The following ARHGEF38 variants were observed in gnomAD, a reference collection of about 807,000 sequenced individuals.
The protein encoded by ARHGEF38 is Rho guanine nucleotide exchange factor 38, also known as Rho guanine nucleotide exchange factor (GEF) 38.
A neutral mutation model predicts 79.9 loss-of-function variants in ARHGEF38; 79 were observed. The ratio of observed to expected loss-of-function variants is 0.99; its 90% CI spans 0.82 to 1.19. The LOEUF (loss-of-function observed/expected upper bound fraction) is 1.19. Ranked by LOEUF, ARHGEF38 falls within the 50% of genes most tolerant of loss-of-function variation. The pLI is 0.00. For missense variants in ARHGEF38, 962 were observed against 907.2 expected, an observed-to-expected ratio of 1.06 and a Z score of -0.78; for synonymous variants, 366 against 328.3, an observed-to-expected ratio of 1.11 and a Z score of -1.24.
At chr4:105,564,791 CTG>C (rs1396160665) in intron 1 of ARHGEF38, among the ~76,000 whole-genome samples, 3 of 152,182 alleles carry the variant, frequency 2.0e-5, no homozygotes, top group Non-Finnish European at 4.4e-5. Flanking sequence ...GAGTCAAACT[CTG>C]TGAAATATTT....
At chr4:105,610,356 G>A (rs1728239768) in intron 2 of ARHGEF38, among the ~76,000 whole-genome samples, 1 of 151,830 alleles carries the variant, frequency 6.6e-6, no homozygotes, top group Non-Finnish European at 1.5e-5. Flanking sequence ...AGAAACATTA[G>A]CCTTTAATTT....
At chr4:105,590,446 A>C (rs974337315) in intron 2 of ARHGEF38, among the ~76,000 whole-genome samples, 14 of 152,248 alleles carry the variant, frequency 9.2e-5, no homozygotes, top group Non-Finnish European at 2.9e-5. Context: ...ATCCCCTCAG[A>C]CATCTATTTG....
At chr4:105,560,212 G>A (rs929847699) in intron 1 of ARHGEF38, among the ~76,000 whole-genome samples, 10 of 152,156 alleles carry the variant, frequency 6.6e-5, no homozygotes, top group African/African-American at 2.2e-4. Flanking sequence ...CTGCCAGACT[G>A]TCACTGTTTA....
At chr4:105,556,521 G>A (rs1725259092) in intron 1 of ARHGEF38, among the ~76,000 whole-genome samples, 1 of 151,756 alleles carries the variant, frequency 6.6e-6, no homozygotes, top group Admixed American at 6.6e-5. Flanking sequence ...ATGAGGGAAG[G>A]TACAGGTAAG....
At position 105,555,222 on chromosome 4, in the gene ARHGEF38, G is replaced by C. The variant is rs552503782; in HGVS notation, c.196+2261G>C. ...AGCAGTTAATACATGCTTCTAGTCT[G>C]TGCTTGAGAAAAATCACCAAGAAGT... On this transcript the variant is annotated intron_variant, in intron 1 of 13. Coordinates refer to ENST00000420470, the MANE Select transcript of ARHGEF38 (RefSeq NM_001242729.2). Among the ~76,000 whole-genome samples, 3 of 152,230 alleles carry C rather than the reference G, an allele frequency of 2.0e-5. No homozygotes were observed. In the South Asian group the frequency reaches 6.2e-4, roughly 32 times the overall value.
At chr4:105,555,499 G>T (rs986980244) in intron 1 of ARHGEF38, among the ~76,000 whole-genome samples, 6 of 152,078 alleles carry the variant, frequency 3.9e-5, no homozygotes, top group Non-Finnish European at 7.4e-5. Flanking sequence ...ATCACCTTAA[G>T]AAGCTCTTTA....
At chr4:105,641,107 C>T (rs1432002637) in intron 5 of ARHGEF38, among the ~76,000 whole-genome samples, 2 of 152,044 alleles carry the variant, frequency 1.3e-5, no homozygotes, top group Admixed American at 1.3e-4. Flanking sequence ...GATGAAGTTC[C>T]TAGACCAGTC....
In ARHGEF38 at chr4:105,589,334, C is replaced by T. The variant is rs200268389; in HGVS notation, c.283C>T (p.Arg95Trp). 2.7e-5 allele frequency: 44 copies of T among 1,613,736 alleles called. No homozygotes were observed. Among genetic ancestry groups the T allele is most frequent in the South Asian group, 3.3e-5 (3 of 91,064 alleles). Residue 95 changes from arginine (R) to tryptophan (W), a missense_variant, in exon 2 of 14, where the codon CGG becomes TGG. Transcript: ENST00000420470. ...EHHMKRMMAK[R>W]EKIIKELIQT... ...TCATATGAAGAGGATGATGGCAAAG[C>T]GGGAAAAGATCATTAAGGAGCTGAT...
downstream of ARHGEF38, chr4:105,682,338 G>C (rs1055110921): frequency 6.3e-6 from 1 of 159,828 alleles, no homozygotes; most frequent in African/African-American, 2.4e-5. Flanking sequence ...CCCAGAATAC[G>C]GGGAGGAAAA....
At chr4:105,629,385 A>G (rs539443356) in intron 3 of ARHGEF38, among the ~76,000 whole-genome samples, 1 of 152,296 alleles carries the variant, frequency 6.6e-6, no homozygotes, top group South Asian at 2.1e-4. Context: ...TCCTGAATTA[A>G]TATGGATAAA....
chr4:105,644,898 C>A (rs994424845), intron 5 of ARHGEF38, among the ~76,000 whole-genome samples: 3 of 151,990 alleles, frequency 2.0e-5, no homozygotes, highest in South Asian at 4.2e-4. Flanking sequence ...TATTATAAAG[C>A]CAATTATAAA....
chr4:105,659,933 A>T (rs1730497427), intron 10 of ARHGEF38, among the ~76,000 whole-genome samples: 1 of 149,856 alleles, frequency 6.7e-6, no homozygotes, highest in Non-Finnish European at 1.5e-5. Context: ...TATTTTCCTG[A>T]TGAGGAAGAA....
At chr4:105,673,529 C>A (rs946424032) in intron 13 of ARHGEF38, among the ~76,000 whole-genome samples, 1 of 152,106 alleles carries the variant, frequency 6.6e-6, no homozygotes, top group Non-Finnish European at 1.5e-5. Flanking sequence ...ATGCTATATA[C>A]CTACTGTGTC....
At chr4:105,574,424 AC>A (rs1010436765) in intron 1 of ARHGEF38, among the ~76,000 whole-genome samples, 5 of 151,882 alleles carry the variant, frequency 3.3e-5, no homozygotes, top group Non-Finnish European at 7.4e-5. Context: ...GGTTGTAGGC[AC>A]CTGTAATCCC....
chr4:105,584,770 C>T (rs977332708), intron 1 of ARHGEF38, among the ~76,000 whole-genome samples: 1 of 152,122 alleles, frequency 6.6e-6, no homozygotes, highest in Non-Finnish European at 1.5e-5. Context: ...CTTAAATCCA[C>T]CCCAAAATGG....
At position 105,675,566 on chromosome 4, in the gene ARHGEF38, T is replaced by A. The variant is rs549885169; in HGVS notation, c.2149-2186T>A. Among the ~76,000 whole-genome samples the A allele has an allele frequency of 1.1e-4, 16 of 152,316 alleles. No individual in the cohort carries two copies. In the South Asian group the frequency reaches 3.3e-3, roughly 32 times the overall value. ...TTGAATATTCCTACTAATTTTCAGGTCAAATCAATAAATATTTGAATTCCT... is the reference window on the plus strand; with the variant it reads ...TTGAATATTCCTACTAATTTTCAGGACAAATCAATAAATATTTGAATTCCT... On this transcript the variant is annotated intron_variant, in intron 13 of 13. Coordinates refer to ENST00000420470, the MANE Select transcript of ARHGEF38 (RefSeq NM_001242729.2).
At chr4:105,581,684 ATT>A (rs1726797057) in intron 1 of ARHGEF38, among the ~76,000 whole-genome samples, 2 of 152,034 alleles carry the variant, frequency 1.3e-5, no homozygotes, top group South Asian at 4.2e-4. Context: ...TCATTTTTAT[ATT>A]CTCTTGTTTC....
intron 3 of ARHGEF38, among the ~76,000 whole-genome samples, chr4:105,622,569 T>G (rs1333623958): frequency 6.6e-6 from 1 of 152,174 alleles, no homozygotes; most frequent in African/African-American, 2.4e-5. Context: ...AATAAAAAGC[T>G]GGCCAACAGG....
intron 2 of ARHGEF38, among the ~76,000 whole-genome samples, chr4:105,599,287 C>T (rs1164512186): frequency 3.9e-5 from 6 of 152,178 alleles, no homozygotes; most frequent in African/African-American, 1.4e-4. Context: ...CTTTTTAGGA[C>T]AGCTTCAGTG....
Sources: allele counts gnomAD v4.1 joint callset (sites outside exome capture counted in the v4.1 genomes callset), GRCh38; gene constraint gnomAD v4.1.1; transcripts MANE v1.5; gene names NCBI Gene and HGNC (gene_info 2026-07-23, HGNC 2026-07-21).